The following IMMP2L variants were observed in gnomAD, a reference collection of about 807,000 sequenced individuals.
IMMP2L encodes the protein inner mitochondrial membrane peptidase subunit 2.
IMMP2L carries 18 observed loss-of-function variants against 19.3 expected under a neutral mutation model. The ratio of observed to expected loss-of-function variants is 0.93; its 90% CI spans 0.64 to 1.38. The LOEUF is 1.38. Ranked by LOEUF, IMMP2L falls within the 40% of genes most tolerant of loss-of-function variation. IMMP2L has a pLI of 0.00. For synonymous variants in IMMP2L, 76 were observed against 73.0 expected, an observed-to-expected ratio of 1.04 and a Z score of -0.21; for missense variants, 233 against 218.2, an observed-to-expected ratio of 1.07 and a Z score of -0.43.
At chr7:110,762,136 T>C (rs536066607) in intron 5 of IMMP2L, among the ~76,000 whole-genome samples, 1 of 152,286 alleles carries the variant, frequency 6.6e-6, no homozygotes, top group South Asian at 2.1e-4. Flanking sequence ...TTGCAACTTA[T>C]TACATTTGCC....
At chr7:110,815,304 C>T (rs916558307) in intron 5 of IMMP2L, among the ~76,000 whole-genome samples, 1 of 152,096 alleles carries the variant, frequency 6.6e-6, no homozygotes, top group African/African-American at 2.4e-5. Context: ...CCTTGCATCC[C>T]AGGGATGAAG....
intron 4 of IMMP2L, among the ~76,000 whole-genome samples, chr7:110,938,301 C>T (rs1324150556): frequency 6.6e-6 from 1 of 152,086 alleles, no homozygotes; most frequent in African/African-American, 2.4e-5. Flanking sequence ...CCGCAAATGC[C>T]TCCTGGCTGA....
intron 3 of IMMP2L, among the ~76,000 whole-genome samples, chr7:111,159,135 A>T (rs1440163682): frequency 6.6e-6 from 1 of 152,166 alleles, no homozygotes; most frequent in African/African-American, 2.4e-5. Flanking sequence ...ATTTATTTAG[A>T]GACGGAGTCT....
chr7:111,156,034 T>C (rs1361337860), intron 3 of IMMP2L, among the ~76,000 whole-genome samples: 1 of 152,158 alleles, frequency 6.6e-6, no homozygotes, highest in East Asian at 1.9e-4. Context: ...CTTTGTGTTG[T>C]CATAGTTTGT....
intron 4 of IMMP2L, among the ~76,000 whole-genome samples, chr7:110,950,868 A>ATATATATG (rs1367615263): frequency 1.4e-5 from 2 of 140,620 alleles, no homozygotes; most frequent in African/African-American, 2.8e-5. Context: ...ATATATATAT[A>ATATATATG]TATGTATATA....
chr7:111,474,809 T>C (rs1169533823), intron 3 of IMMP2L, among the ~76,000 whole-genome samples: 1 of 152,124 alleles, frequency 6.6e-6, no homozygotes, highest in African/African-American at 2.4e-5. Flanking sequence ...CAAGTTCTTA[T>C]TGCTCTTTAA....
chr7:111,509,987 T>C (rs564536568), intron 2 of IMMP2L, among the ~76,000 whole-genome samples: 7 of 152,122 alleles, frequency 4.6e-5, no homozygotes, highest in Non-Finnish European at 7.4e-5. Flanking sequence ...ACTTACAGAG[T>C]AGAGTTATTA....
chr7:110,990,292 T>C (rs942956080), intron 3 of IMMP2L, among the ~76,000 whole-genome samples: 1 of 152,194 alleles, frequency 6.6e-6, no homozygotes, highest in African/African-American at 2.4e-5. Context: ...TTAAAATGCA[T>C]GGCTGTTGCC....
At chr7:111,426,421 A>G (rs1836083647) in intron 3 of IMMP2L, among the ~76,000 whole-genome samples, 1 of 150,766 alleles carries the variant, frequency 6.6e-6, no homozygotes, top group African/African-American at 2.4e-5. Context: ...GTTTTTTGCA[A>G]TAACATGTTT....
intron 5 of IMMP2L, among the ~76,000 whole-genome samples, chr7:110,746,636 C>T (rs979435724): frequency 2.6e-5 from 4 of 152,162 alleles, no homozygotes; most frequent in Non-Finnish European, 4.4e-5. Context: ...ACTGAACAAC[C>T]TGCTCCTGAA....
chr7:110,953,418 G>C (rs1240725541), intron 4 of IMMP2L, among the ~76,000 whole-genome samples: 1 of 151,712 alleles, frequency 6.6e-6, no homozygotes, highest in Non-Finnish European at 1.5e-5. Flanking sequence ...AACATGCGGT[G>C]TTTGGTTTTC....
At chr7:111,273,414 A>T (rs1184911955) in intron 3 of IMMP2L, among the ~76,000 whole-genome samples, 1 of 152,138 alleles carries the variant, frequency 6.6e-6, no homozygotes, top group East Asian at 1.9e-4. Context: ...TTGACATAAT[A>T]AGGAGGTTAC....
At chr7:111,009,559 T>G (rs556845925) in intron 3 of IMMP2L, among the ~76,000 whole-genome samples, 1 of 152,204 alleles carries the variant, frequency 6.6e-6, no homozygotes, top group South Asian at 2.1e-4. Flanking sequence ...ACCTTGCAGT[T>G]GAAATATTCC....
chr7:111,213,770 C>G lies in IMMP2L; in HGVS notation c.240-250205G>C, dbSNP rs1031903436. Among the ~76,000 whole-genome samples the G allele has an allele frequency of 2.0e-5, 3 of 152,178 alleles. No individual in the cohort carries two copies. Among genetic ancestry groups the G allele is most frequent in the Admixed American group, 1.3e-4 (2 of 15,282 alleles). Reference sequence around the variant, plus strand: ...AGCTACCCACACCAGAGTCTCCTATCTAATGAGCGCTGAACATTTGAAGGA... The same window carrying G: ...AGCTACCCACACCAGAGTCTCCTATGTAATGAGCGCTGAACATTTGAAGGA... On this transcript the variant is annotated intron_variant, in intron 3 of 5. Transcript: ENST00000405709. The surrounding 1 kb of genome is among the most constrained non-coding windows in gnomAD (Gnocchi z 4.8).
chr7:111,531,323 A>G (rs1847377668), intron 1 of IMMP2L, among the ~76,000 whole-genome samples: 1 of 149,994 alleles, frequency 6.7e-6, no homozygotes, highest in African/African-American at 2.5e-5. Flanking sequence ...GGACATCTTC[A>G]TGGCTCCAGT....
intron 5 of IMMP2L, among the ~76,000 whole-genome samples, chr7:110,763,417 C>T (rs949252687): frequency 1.1e-4 from 17 of 152,054 alleles, no homozygotes; most frequent in African/African-American, 3.1e-4. Flanking sequence ...CAAAGCCCTA[C>T]GGTGGGCAGT....
intron 3 of IMMP2L, among the ~76,000 whole-genome samples, chr7:111,305,859 T>C (rs1584538325): frequency 6.6e-6 from 1 of 152,160 alleles, no homozygotes; most frequent in African/African-American, 2.4e-5. Context: ...TCTATCTGCA[T>C]TGCTTTACAC....
chr7:110,773,276 G>A (rs541676563), intron 5 of IMMP2L, among the ~76,000 whole-genome samples: 7 of 152,170 alleles, frequency 4.6e-5, no homozygotes, highest in East Asian at 3.9e-4. Flanking sequence ...TTCACAACCC[G>A]CCTGGGGCGA....
At chr7:111,085,152 C>T (rs1458812541) in intron 3 of IMMP2L, among the ~76,000 whole-genome samples, 1 of 151,202 alleles carries the variant, frequency 6.6e-6, no homozygotes, top group East Asian at 1.9e-4. Flanking sequence ...AAATTTGTCT[C>T]ATTGATTCCT....
Sources: allele counts gnomAD v4.1 joint callset (sites outside exome capture counted in the v4.1 genomes callset), GRCh38; gene constraint gnomAD v4.1.1; non-coding constraint Gnocchi (gnomAD v3.1); transcripts MANE v1.5; gene names NCBI Gene and HGNC (gene_info 2026-07-23, HGNC 2026-07-21).